The following PMEPA1 variants were observed in gnomAD, a reference collection of about 807,000 sequenced individuals.
PMEPA1 encodes the protein protein TMEPAI.
Under a neutral mutation model 23.0 loss-of-function variants are expected in PMEPA1, and 11 were observed. The ratio of observed to expected loss-of-function variants is 0.48; its 90% confidence interval spans 0.30 to 0.79. The LOEUF is 0.79. Ranked by LOEUF, PMEPA1 falls within the 30% of genes least tolerant of loss-of-function variation. The pLI is 0.06. For synonymous variants in PMEPA1, 204 were observed against 166.4 expected (o/e 1.23, Z -1.74); for missense variants, 377 against 390.9 (o/e 0.96, Z 0.30).
rs190463666 is a variant in PMEPA1 at position 57,696,114 on chromosome 20, A to G, written c.109+13360T>C. Among the ~76,000 whole-genome samples the G allele has an allele frequency of 2.8e-4, 43 of 152,218 alleles. No homozygotes were observed. The East Asian group carries it at 7.9e-3, about 28-fold the overall frequency. The stretch of plus-strand genomic sequence containing the variant: ...TCTGCTCCCTCCTGCTCTGAGCCCC[A>G]GGGATCGCTGCTGGCACCCTTCCAA... On this transcript the variant is annotated intron_variant, in intron 1 of 3. Coordinates refer to ENST00000341744, the MANE Select transcript of PMEPA1 (RefSeq NM_020182.5).
chr20:57,668,201 A>C (rs1222404873), intron 1 of PMEPA1, among the ~76,000 whole-genome samples: 1 of 152,170 alleles, frequency 6.6e-6, no homozygotes, highest in East Asian at 1.9e-4. Context: ...GTGGTCAGCC[A>C]GGGTGGGGAC....
chr20:57,698,685 G>A (rs1377874564), intron 1 of PMEPA1, among the ~76,000 whole-genome samples: 2 of 152,282 alleles, frequency 1.3e-5, no homozygotes, highest in African/African-American at 2.4e-5. Context: ...CGGAACTGGC[G>A]CGGCGGGCAC....
At chr20:57,681,612 G>A (rs1339245402) in intron 1 of PMEPA1, among the ~76,000 whole-genome samples, 2 of 152,144 alleles carry the variant, frequency 1.3e-5, no homozygotes, top group Non-Finnish European at 2.9e-5. Context: ...GTTCAATTCT[G>A]TAAGCAATAA....
intron 1 of PMEPA1, chr20:57,690,725 A>T (rs2071870834): frequency 2.3e-6 from 1 of 441,220 alleles, no homozygotes; most frequent in African/African-American, 2.1e-5. Flanking sequence ...TGTAAGTGAC[A>T]CGCCCAGCCG....
At chr20:57,653,494 A>C (rs982782560) in intron 2 of PMEPA1, among the ~76,000 whole-genome samples, 2 of 152,208 alleles carry the variant, frequency 1.3e-5, no homozygotes, top group African/African-American at 2.4e-5. Flanking sequence ...ACCTGCGTCA[A>C]GTTACTTAAT....
intron 1 of PMEPA1, among the ~76,000 whole-genome samples, chr20:57,689,492 G>A (rs894152075): frequency 6.6e-6 from 1 of 152,174 alleles, no homozygotes; most frequent in African/African-American, 2.4e-5. Flanking sequence ...TTCCTCCTGG[G>A]GAGTCCAGCA....
At chr20:57,664,687 G>A (rs759519995) in intron 1 of PMEPA1, among the ~76,000 whole-genome samples, 4 of 152,190 alleles carry the variant, frequency 2.6e-5, no homozygotes, top group Non-Finnish European at 5.9e-5. Flanking sequence ...GACTGCCAAC[G>A]CGAGGCGGAA....
At position 57,659,614 on chromosome 20, in the gene PMEPA1, A is replaced by G; in HGVS notation, c.193T>C (p.Tyr65His). Residue 65 changes from tyrosine to histidine, a missense_variant, in exon 2 of 4, where the codon TAC becomes CAC. Tyr to His is a moderately conservative substitution (Grantham distance 83, BLOSUM62 2). Around this residue, in one of 3 missense-constraint regions of PMEPA1, gnomAD observed 198 missense variants for 196.3 expected, o/e 1.01. Transcript: ENST00000341744. ...ATGAAGGACCGTGCAGACAGCTTGT[A>G]GTGGCTCAGCAGGCACGTGATCACC... is the stretch of plus-strand genomic sequence containing the variant. ...VVVITCLLSH[Y>H]KLSARSFISR... The G allele has an allele frequency of 6.2e-7, 1 of 1,613,450 alleles. No homozygotes were observed. Among genetic ancestry groups the G allele is most frequent in the Non-Finnish European group, 8.5e-7 (1 of 1,179,800 alleles).
chr20:57,686,734 G>T (rs1397904800), intron 1 of PMEPA1, among the ~76,000 whole-genome samples: 1 of 152,262 alleles, frequency 6.6e-6, no homozygotes, highest in East Asian at 1.9e-4. Context: ...GTGACCAGAA[G>T]TACCTGCCTC....
intron 1 of PMEPA1, among the ~76,000 whole-genome samples, chr20:57,678,547 C>A (rs1200119112): frequency 6.6e-6 from 1 of 152,194 alleles, no homozygotes; most frequent in Non-Finnish European, 1.5e-5. Flanking sequence ...ACAGAAGCCG[C>A]TTCCCTCTCT....
chr20:57,672,627 C>G (rs1161494557), intron 1 of PMEPA1, among the ~76,000 whole-genome samples: 1 of 152,186 alleles, frequency 6.6e-6, no homozygotes, highest in African/African-American at 2.4e-5. Flanking sequence ...GCAAGAGGGG[C>G]CCAGCTATTC....
At chr20:57,670,537 C>T (rs1447248621) in intron 1 of PMEPA1, among the ~76,000 whole-genome samples, 1 of 152,212 alleles carries the variant, frequency 6.6e-6, no homozygotes, top group Non-Finnish European at 1.5e-5. Context: ...CAAGCCTCCA[C>T]CCTCAGGTCG....
rs1223150369 is a variant in PMEPA1, at chr20:57,665,400, G to A, written c.110-5703C>T. ...CGTTAGTCCGCCCGCCCCCTGCCCC[G>A]GGAATCTGAGGATGTGGTTCTGATG... On this transcript the variant is annotated intron_variant, in intron 1 of 3. Transcript: ENST00000341744. Among the ~76,000 whole-genome samples, 8 of 151,970 alleles carry A rather than the reference G, an allele frequency of 5.3e-5. No individual in the cohort carries two copies. In the South Asian group the frequency reaches 8.3e-4, roughly 16 times the overall value.
At chr20:57,709,202 G>A (rs1302079744) in intron 1 of PMEPA1, among the ~76,000 whole-genome samples, 1 of 151,218 alleles carries the variant, frequency 6.6e-6, no homozygotes, top group African/African-American at 2.4e-5. Flanking sequence ...CCCGCGCCGT[G>A]CGCCGCCGCT....
chr20:57,660,446 CCT>C lies in PMEPA1; in HGVS notation c.110-751_110-750del, dbSNP rs572011003. 7.0e-4 allele frequency among the ~76,000 whole-genome samples: 106 copies of C among 150,766 alleles called. 1 individual carries two copies. Among genetic ancestry groups the C allele is most frequent in the African/African-American group, 2.5e-3 (103 of 40,904 alleles). The stretch of plus-strand genomic sequence containing the variant: ...CACAAATAACACCCCAACACGTACC[CCT>C]AACACTCCTACACACAAAACACCCC... On this transcript the variant is annotated intron_variant, in intron 1 of 3. Transcript: ENST00000341744.
intron 1 of PMEPA1, among the ~76,000 whole-genome samples, chr20:57,689,495 G>A (rs1011158627): frequency 3.9e-5 from 6 of 152,208 alleles, no homozygotes; most frequent in African/African-American, 1.4e-4. Flanking sequence ...CTCCTGGGGA[G>A]TCCAGCATCG....
intron 1 of PMEPA1, among the ~76,000 whole-genome samples, chr20:57,686,811 G>A (rs1310332811): frequency 6.6e-6 from 1 of 152,230 alleles, no homozygotes; most frequent in Non-Finnish European, 1.5e-5. Context: ...TGGACCCGCA[G>A]TGAACACCCC....
intron 1 of PMEPA1, among the ~76,000 whole-genome samples, chr20:57,663,795 C>T (rs1268812573): frequency 2.6e-5 from 4 of 152,182 alleles, no homozygotes; most frequent in Non-Finnish European, 4.4e-5. Flanking sequence ...AAGAGAGGTG[C>T]TCCAGCCAGC....
chr20:57,665,062 C>T (rs901879148), intron 1 of PMEPA1, among the ~76,000 whole-genome samples: 1 of 152,132 alleles, frequency 6.6e-6, no homozygotes, highest in Middle Eastern at 3.2e-3. Flanking sequence ...CTGCTGTGAC[C>T]ACAGGACACA....
Sources: gnomAD v4.1 joint callset for allele counts (sites outside exome capture counted in the v4.1 genomes callset) on GRCh38, gnomAD v4.1.1 for gene constraint, gnomAD v4.1.1 regional missense constraint, MANE v1.5 for transcripts, NCBI Gene and HGNC (gene_info 2026-07-23, HGNC 2026-07-21) for gene names.